The following SLCO1B1 variants were observed in gnomAD, a reference collection of about 807,000 sequenced individuals.
The protein encoded by SLCO1B1 is OATP-2.
SLCO1B1 carries 81 observed loss-of-function variants against 70.1 expected under a neutral mutation model. The observed-to-expected ratio is 1.16, with a 90% CI of 0.97 to 1.39. SLCO1B1 has a LOEUF of 1.39. Among genes scored for constraint, SLCO1B1 ranks in the 40% most tolerant of loss-of-function variants. SLCO1B1 has a pLI of 0.00. For synonymous variants in SLCO1B1, 283 were observed against 271.5 expected (o/e 1.04, Z -0.42); for missense variants, 895 against 799.6 (o/e 1.12, Z -1.44).
chr12:21,209,712 C>T (rs1941256701), intron 11 of SLCO1B1, among the ~76,000 whole-genome samples: 1 of 151,200 alleles, frequency 6.6e-6, no homozygotes. Flanking sequence ...ACATCCTCTC[C>T]AGCACCTGTT....
At chr12:21,170,239 A>G (rs2121093923) in intron 2 of SLCO1B1, among the ~76,000 whole-genome samples, 1 of 152,290 alleles carries the variant, frequency 6.6e-6, no homozygotes, top group South Asian at 2.1e-4. Flanking sequence ...TTTCCTTCCA[A>G]TTGCATTGCA....
At chr12:21,189,993 C>A (rs1296229687) in intron 7 of SLCO1B1, among the ~76,000 whole-genome samples, 1 of 152,042 alleles carries the variant, frequency 6.6e-6, no homozygotes, top group Non-Finnish European at 1.5e-5. Context: ...TATGCTTTGA[C>A]CAGTATCTCC....
chr12:21,150,520 C>G (rs1329507884), intron 2 of SLCO1B1, among the ~76,000 whole-genome samples: 2 of 152,176 alleles, frequency 1.3e-5, no homozygotes, highest in Non-Finnish European at 2.9e-5. Flanking sequence ...CTCTGCTGTT[C>G]TGCAGCCACT....
intron 2 of SLCO1B1, among the ~76,000 whole-genome samples, chr12:21,163,382 C>A (rs1216752840): frequency 6.6e-6 from 1 of 152,048 alleles, no homozygotes; most frequent in South Asian, 2.1e-4. Context: ...GATTGATTGT[C>A]ATCTTTCATG....
chr12:21,193,493 G>A (rs1277414873), intron 7 of SLCO1B1, among the ~76,000 whole-genome samples: 1 of 152,076 alleles, frequency 6.6e-6, no homozygotes, highest in Non-Finnish European at 1.5e-5. Context: ...GGGTCTTTGA[G>A]ATTGGGTGAA....
Position 21,222,372 on chromosome 12 carries a change from G to GAA in SLCO1B1, c.1747+33_1747+34dup, listed in dbSNP as rs4149102. 6.0e-3 allele frequency: 149 copies of GAA among 24,940 alleles called. 30 individuals are homozygous for GAA. Among genetic ancestry groups the GAA allele is most frequent in the African/African-American group, 0.017 (57 of 3,258 alleles). The allele number at this position is 24,940 out of a possible 1,614,324, so 1.5% of individuals were successfully genotyped here. ...TGGTTATACGAGCACTAGGTATGAT[G>GAA]AAAAAAAAAAAAAAAAAAAAAAAAA... On this transcript the variant is annotated intron_variant, in intron 13 of 14. Coordinates refer to ENST00000256958, the MANE Select transcript of SLCO1B1 (RefSeq NM_006446.5).
chr12:21,173,637 T>A (rs1216695707), intron 3 of SLCO1B1, among the ~76,000 whole-genome samples: 2 of 149,120 alleles, frequency 1.3e-5, no homozygotes, highest in Non-Finnish European at 3.0e-5. Context: ...AAAAAAAAAA[T>A]TTACTCATTC....
intron 13 of SLCO1B1, among the ~76,000 whole-genome samples, chr12:21,224,508 C>A (rs780140777): frequency 6.6e-6 from 1 of 152,020 alleles, no homozygotes; most frequent in Non-Finnish European, 1.5e-5. Flanking sequence ...AGGGAGGGTA[C>A]GAGTAGGTAA....
At chr12:21,229,294 C>T (rs1255412704) in intron 14 of SLCO1B1, among the ~76,000 whole-genome samples, 1 of 130,602 alleles carries the variant, frequency 7.7e-6, no homozygotes, top group Non-Finnish European at 1.7e-5. Context: ...TGACATTGTA[C>T]TTTTATGGGT....
At chr12:21,142,964 G>C (rs768131975) in intron 2 of SLCO1B1, among the ~76,000 whole-genome samples, 9 of 151,960 alleles carry the variant, frequency 5.9e-5, no homozygotes, top group Non-Finnish European at 1.3e-4. Context: ...GAAGATACTG[G>C]GATAAGACTG....
chr12:21,230,323 C>CTTTTTTT (rs745494878), intron 14 of SLCO1B1, among the ~76,000 whole-genome samples: 1 of 70,254 alleles, frequency 1.4e-5, no homozygotes, highest in African/African-American at 5.3e-5. Context: ...CTGTAGTATT[C>CTTTTTTT]TTTTTTTTTT....
chr12:21,157,192 C>T (rs1220526484), intron 2 of SLCO1B1, among the ~76,000 whole-genome samples: 2 of 151,928 alleles, frequency 1.3e-5, no homozygotes, highest in Non-Finnish European at 2.9e-5. Context: ...AACAAAAAAA[C>T]AAAAACTTGG....
rs181197570 is a variant in SLCO1B1 at position 21,186,607 on chromosome 12, G to A, written c.727+7587G>A. Among the ~76,000 whole-genome samples, 405 of 152,002 alleles carry A rather than the reference G, an allele frequency of 2.7e-3. 1 individual carries two copies. The highest frequency in any genetic ancestry group is 9.0e-3 in the African/African-American group (372 of 41,474). On this transcript the variant is annotated intron_variant, in intron 7 of 14. Transcript: ENST00000256958. Reference sequence around the variant, plus strand: ...TTGCTTGATATATAATGCAGATTGAGGTCTTCAGCTGCCCATTGTTTCAAT... The same window carrying A: ...TTGCTTGATATATAATGCAGATTGAAGTCTTCAGCTGCCCATTGTTTCAAT...
At chr12:21,208,015 C>G (rs111636483) in intron 11 of SLCO1B1, among the ~76,000 whole-genome samples, 98 of 151,652 alleles carry the variant, frequency 6.5e-4, no homozygotes, top group Middle Eastern at 3.4e-3. Flanking sequence ...TTGAATTGTT[C>G]AAGTTTCTTA....
intron 2 of SLCO1B1, among the ~76,000 whole-genome samples, chr12:21,158,859 C>A (rs1940575671): frequency 6.6e-6 from 1 of 151,790 alleles, no homozygotes; most frequent in African/African-American, 2.4e-5. Context: ...AGAATGTATA[C>A]CTTAAATACA....
chr12:21,156,900 A>C (rs981652749), intron 2 of SLCO1B1, among the ~76,000 whole-genome samples: 1 of 152,176 alleles, frequency 6.6e-6, no homozygotes. Flanking sequence ...ATGAACTGTG[A>C]ATGAATTTAA....
At chr12:21,166,920 G>A (rs1182552918) in intron 2 of SLCO1B1, among the ~76,000 whole-genome samples, 1 of 152,084 alleles carries the variant, frequency 6.6e-6, no homozygotes. Context: ...AATAGGTAAA[G>A]CGACCTTGGT....
At chr12:21,220,801 G>C (rs1941414091) in intron 12 of SLCO1B1, among the ~76,000 whole-genome samples, 1 of 144,580 alleles carries the variant, frequency 6.9e-6, no homozygotes, top group South Asian at 2.2e-4. Context: ...CTGGGAGACA[G>C]AGCAAGACTG....
At chr12:21,234,488 T>C (rs1335439094) in intron 14 of SLCO1B1, among the ~76,000 whole-genome samples, 1 of 152,168 alleles carries the variant, frequency 6.6e-6, no homozygotes, top group African/African-American at 2.4e-5. Flanking sequence ...TGGTTTGTTT[T>C]GGGAAAGGAC....
Sources: gnomAD v4.1 joint callset for allele counts (sites outside exome capture counted in the v4.1 genomes callset) on GRCh38, gnomAD v4.1.1 for gene constraint, MANE v1.5 for transcripts, NCBI Gene and HGNC (gene_info 2026-07-23, HGNC 2026-07-21) for gene names.